SORCS2: variants seen among roughly 807,000 people sequenced by gnomAD.
SORCS2 encodes the protein VPS10 domain-containing receptor SorCS2.
Under a neutral mutation model 141.6 loss-of-function variants are expected in SORCS2, and 100 were observed. The observed-to-expected ratio is 0.71, with a 90% CI of 0.60 to 0.83. The LOEUF (loss-of-function observed/expected upper bound fraction) is 0.83, where lower values mean the gene tolerates loss of function less well. Among genes scored for constraint, SORCS2 ranks in the 40% least tolerant of loss-of-function variants. SORCS2 has a pLI of 0.00. For synonymous variants in SORCS2, 789 were observed against 676.9 expected (o/e 1.17, Z -2.57); for missense variants, 1,646 against 1,560.2 (o/e 1.05, Z -0.93).
intron 1 of SORCS2, among the ~76,000 whole-genome samples, chr4:7,305,263 C>T (rs1045856644): frequency 5.9e-5 from 9 of 152,158 alleles, no homozygotes; most frequent in African/African-American, 2.2e-4. Flanking sequence ...GATCTGCTGA[C>T]CTCGTGATCT....
At chr4:7,585,933 G>C (rs1459224454) in intron 3 of SORCS2, among the ~76,000 whole-genome samples, 2 of 152,202 alleles carry the variant, frequency 1.3e-5, no homozygotes, top group Non-Finnish European at 1.5e-5. Flanking sequence ...CTTATAGAGG[G>C]AGCCATGCCA....
At chr4:7,360,578 T>TTTTTC (rs1721523386) in intron 1 of SORCS2, among the ~76,000 whole-genome samples, 2 of 112,324 alleles carry the variant, frequency 1.8e-5, no homozygotes, top group Non-Finnish European at 3.6e-5. Context: ...CTTCTTTTTT[T>TTTTTC]TTTTTTTTTT....
chr4:7,492,697 T>A (rs1478336204), intron 2 of SORCS2, among the ~76,000 whole-genome samples: 1 of 152,264 alleles, frequency 6.6e-6, no homozygotes, highest in African/African-American at 2.4e-5. Context: ...GGAGACTGGC[T>A]GCTGACAAGC....
intron 2 of SORCS2, among the ~76,000 whole-genome samples, chr4:7,444,004 A>C (rs1727840177): frequency 6.6e-6 from 1 of 152,234 alleles, no homozygotes; most frequent in Non-Finnish European, 1.5e-5. Flanking sequence ...CCTCACCCAC[A>C]GGTAAAGGGG....
chr4:7,693,166 ACCTCATCTTCACCCTTTCTT>A (rs71647620), intron 11 of SORCS2, among the ~76,000 whole-genome samples: 101,136 of 150,824 alleles, frequency 0.67, 34,381 homozygotes, highest in East Asian at 0.91. Flanking sequence ...TCTGAAGGAT[ACCTCATCTTCACCCTTTCTT>A]CCTCATCTTC....
At chr4:7,468,674 GA>G (rs1300794870) in intron 2 of SORCS2, among the ~76,000 whole-genome samples, 2 of 152,196 alleles carry the variant, frequency 1.3e-5, no homozygotes, top group African/African-American at 4.8e-5. Flanking sequence ...TTGATCACTT[GA>G]AAGGCACTCT....
intron 3 of SORCS2, among the ~76,000 whole-genome samples, chr4:7,637,711 G>GAA (rs1720359676): frequency 6.6e-6 from 1 of 151,374 alleles, no homozygotes. Flanking sequence ...ATGAATGAAT[G>GAA]AGTGAATGAA....
intron 1 of SORCS2, among the ~76,000 whole-genome samples, chr4:7,287,151 C>G (rs984390132): frequency 6.6e-6 from 1 of 152,166 alleles, no homozygotes; most frequent in African/African-American, 2.4e-5. Context: ...TCCTGCCTTG[C>G]CCAATGAGGG....
At chr4:7,423,140 A>G (rs1726200749) in intron 2 of SORCS2, among the ~76,000 whole-genome samples, 1 of 152,114 alleles carries the variant, frequency 6.6e-6, no homozygotes, top group African/African-American at 2.4e-5. Context: ...CATCCACGCT[A>G]GGGGAAGGTG....
At position 7,656,018 on chromosome 4, in the gene SORCS2, G is replaced by A. The variant is rs1008144314; in HGVS notation, c.887+1811G>A. On this transcript the variant is annotated intron_variant, in intron 5 of 26. Transcript: ENST00000507866. ...AGCAGACACTGACCACCACGGCCCC[G>A]GCCCTGGGATCTCTCCTGGAGCGTG... Among the ~76,000 whole-genome samples the A allele has an allele frequency of 4.6e-5, 7 of 152,348 alleles. No homozygotes were observed. The East Asian group carries it at 5.8e-4, about 13-fold the overall frequency.
At chr4:7,576,171 T>A (rs1248550808) in intron 3 of SORCS2, among the ~76,000 whole-genome samples, 1 of 152,202 alleles carries the variant, frequency 6.6e-6, no homozygotes, top group Middle Eastern at 3.2e-3. Context: ...ACTAACATTC[T>A]CCTTCTGACC....
intron 2 of SORCS2, among the ~76,000 whole-genome samples, chr4:7,435,524 C>T (rs1727240832): frequency 1.3e-5 from 2 of 152,216 alleles, no homozygotes; most frequent in Admixed American, 6.5e-5. Context: ...GAGCTGTGGA[C>T]CTCACTGCCA....
Position 7,600,586 on chromosome 4 carries a change from T to A in SORCS2, c.649-37742T>A, listed in dbSNP as rs572194500. The stretch of plus-strand genomic sequence containing the variant: ...GCTCCTCTGGGGAAACCTGGGAGCA[T>A]TGCTAACCCGGGGTCCGGTAGAGGG... On this transcript the variant is annotated intron_variant, in intron 3 of 26. Coordinates refer to ENST00000507866, the MANE Select transcript of SORCS2 (RefSeq NM_020777.3). 4.0e-5 allele frequency among the ~76,000 whole-genome samples: 6 copies of A among 151,744 alleles called. No homozygotes were observed. In the South Asian group the frequency reaches 1.3e-3, roughly 32 times the overall value.
intron 3 of SORCS2, among the ~76,000 whole-genome samples, chr4:7,537,265 A>G (rs937567330): frequency 1.3e-5 from 2 of 151,628 alleles, no homozygotes; most frequent in African/African-American, 2.4e-5. Context: ...GGCTCTCCAA[A>G]CCCCCTTCAA....
At chr4:7,469,835 G>A (rs4579116) in intron 2 of SORCS2, among the ~76,000 whole-genome samples, 7,584 of 152,282 alleles carry the variant, frequency 0.05, 374 homozygotes, top group South Asian at 0.22. Flanking sequence ...TCACTGCCTG[G>A]CATCTCATGG....
intron 9 of SORCS2, among the ~76,000 whole-genome samples, chr4:7,680,603 T>G (rs1254734034): frequency 6.6e-6 from 1 of 152,248 alleles, no homozygotes; most frequent in East Asian, 1.9e-4. Flanking sequence ...GGCTACCCTC[T>G]AGACCACAGC....
At chr4:7,422,994 C>A (rs1726189566) in intron 2 of SORCS2, among the ~76,000 whole-genome samples, 1 of 147,694 alleles carries the variant, frequency 6.8e-6, no homozygotes, top group Non-Finnish European at 1.5e-5. Flanking sequence ...GCCACCCCTC[C>A]CCTACCCCCC....
chr4:7,702,720 G>C (rs986554835), intron 12 of SORCS2, among the ~76,000 whole-genome samples: 1 of 152,246 alleles, frequency 6.6e-6, no homozygotes, highest in Non-Finnish European at 1.5e-5. Context: ...GAGCTCTGTG[G>C]GGCACAGAAG....
intron 3 of SORCS2, among the ~76,000 whole-genome samples, chr4:7,626,062 G>C (rs1719497543): frequency 2.0e-5 from 3 of 152,130 alleles, no homozygotes; most frequent in Admixed American, 1.3e-4. Flanking sequence ...CGGGAGGATG[G>C]CTTAAGTCCA....
Sources: allele counts gnomAD v4.1 joint callset (sites outside exome capture counted in the v4.1 genomes callset), GRCh38; gene constraint gnomAD v4.1.1; transcripts MANE v1.5; gene names NCBI Gene and HGNC (gene_info 2026-07-23, HGNC 2026-07-21).